PFKFB3: variants seen among roughly 807,000 people sequenced by gnomAD.
PFKFB3 encodes the protein 6-phosphofructo-2-kinase/fructose-2,6-bisphosphatase 3.
In PFKFB3, 33 loss-of-function variants were observed where a neutral mutation model predicts 68.0. That is an observed-to-expected ratio of 0.49 (90% CI 0.37 to 0.65). The LOEUF (loss-of-function observed/expected upper bound fraction) is 0.65. Ranked by LOEUF, PFKFB3 falls within the 30% of genes least tolerant of loss-of-function variation. The pLI, the probability that PFKFB3 is intolerant of heterozygous loss-of-function variation, is 0.00. For missense variants in PFKFB3, 586 were observed against 712.2 expected (o/e 0.82, Z 2.02); for synonymous variants, 315 against 288.2 (o/e 1.09, Z -0.94).
chr10:6,182,816 T>A (rs1242613314), intron 1 of PFKFB3, among the ~76,000 whole-genome samples: 1 of 152,168 alleles, frequency 6.6e-6, no homozygotes, highest in South Asian at 2.1e-4. Flanking sequence ...TGCAGTCCAG[T>A]GTCCATGGCC....
chr10:6,184,750 G>A (rs1258518957), intron 1 of PFKFB3, among the ~76,000 whole-genome samples: 2 of 149,960 alleles, frequency 1.3e-5, no homozygotes, highest in Non-Finnish European at 3.0e-5. Flanking sequence ...GGAATTACAG[G>A]TGTGAGTCAC....
chr10:6,209,977 C>T (rs2516615), intron 1 of PFKFB3, among the ~76,000 whole-genome samples: 95,779 of 145,492 alleles, frequency 0.66, 31,941 homozygotes, highest in Non-Finnish European at 0.7. Context: ...TGGTCTCGAT[C>T]TCCTGACCTT....
intron 1 of PFKFB3, among the ~76,000 whole-genome samples, chr10:6,196,262 C>T (rs1843173181): frequency 1.3e-5 from 2 of 152,102 alleles, no homozygotes; most frequent in African/African-American, 2.4e-5. Flanking sequence ...TCCCAAGTAG[C>T]TGGGACCACA....
chr10:6,224,951 A>C (rs889206580), intron 13 of PFKFB3, among the ~76,000 whole-genome samples: 65 of 134,844 alleles, frequency 4.8e-4, no homozygotes, highest in African/African-American at 1.9e-3. Flanking sequence ...CACGGTGTTG[A>C]GAGACGGGAG....
chr10:6,203,129 G>C lies in PFKFB3; in HGVS notation c.-132G>C. 4 of 1,489,864 alleles carry C rather than the reference G, an allele frequency of 2.7e-6. No individual in the cohort carries two copies. In the South Asian group the frequency reaches 3.9e-5, roughly 15 times the overall value. 92.3% of individuals were successfully genotyped at this position (1,489,864 alleles called of 1,614,324 possible). A position where few individuals can be genotyped will look rare whatever the true frequency, so the allele number is the denominator to read the frequency against. ...AGCCCAAAGCACGTTTCCCCTGGCA[G>C]CGCAGGAAACGCCCGGCCGCGCGCC... On this transcript the variant is annotated 5_prime_UTR_variant, in exon 1 of 15. Coordinates refer to ENST00000379775, the MANE Select transcript of PFKFB3 (RefSeq NM_004566.4).
rs1390561974 is a variant in PFKFB3, at chr10:6,145,653, TTTCAG to T, written c.16+641_16+645del. Among the ~76,000 whole-genome samples the T allele has an allele frequency of 2.0e-5, 3 of 152,196 alleles. No individual in the cohort carries two copies. The East Asian group carries it at 5.8e-4, about 30-fold the overall frequency. On this transcript the variant is annotated intron_variant, in intron 1 of 14. Transcript: ENST00000379789. ...CCGCCCTCTGACCCCCGGGCAGTCATTTCAGCCCCCAGCCCCAGTTGCCTCCTGGG... is the reference window on the plus strand; with the variant it reads ...CCGCCCTCTGACCCCCGGGCAGTCATCCCCCAGCCCCAGTTGCCTCCTGGG...
rs1027570401 is a variant in PFKFB3, at chr10:6,219,573, T to C, written c.503T>C (p.Val168Ala). The part of the protein sequence containing the change: ...PTVVASNIME[V>A]KISSPDYKDC... ...CACCCCTTTGTGGTGTTGCAGGAAG[T>C]TAAAATCTCCAGCCCGGATTACAAA... is the stretch of plus-strand genomic sequence containing the variant. Residue 168 changes from valine (V) to alanine (A), a missense_variant, in exon 7 of 15, where the codon GTT becomes GCT. Coordinates refer to ENST00000379775, the MANE Select transcript of PFKFB3 (RefSeq NM_004566.4). 1 of 1,613,918 alleles carries C rather than the reference T, an allele frequency of 6.2e-7. No homozygotes were observed. Among genetic ancestry groups the C allele is most frequent in the African/African-American group, 1.3e-5 (1 of 74,908 alleles).
At chr10:6,288,810 A>G in the PFKFB3 span, among the ~76,000 whole-genome samples, 1 of 152,196 alleles carries the variant, frequency 6.6e-6, no homozygotes, top group African/African-American at 2.4e-5. Context: ...ACTAGCTTAC[A>G]GTCCCACCAA....
intron 1 of PFKFB3, among the ~76,000 whole-genome samples, chr10:6,150,283 A>C (rs1278665113): frequency 6.6e-6 from 1 of 152,164 alleles, no homozygotes; most frequent in African/African-American, 2.4e-5. Context: ...CTACTTGGTT[A>C]ATCTGTCATT....
Position 6,250,305 on chromosome 10 carries a change from C to T in PFKFB3, c.1516-3873C>T, listed in dbSNP as rs555259885. On this transcript the variant is annotated intron_variant, in intron 14 of 14. Transcript: ENST00000640683. The stretch of plus-strand genomic sequence containing the variant: ...GGTCGGCCAGGCGCAGTGGCTTACT[C>T]CTGTAATCCCAGCACTTTGGGAGGC... Among the ~76,000 whole-genome samples the T allele has an allele frequency of 2.7e-3, 408 of 152,212 alleles. 1 individual carries two copies. The highest frequency in any genetic ancestry group is 5.6e-3 in the South Asian group (27 of 4,824).
At chr10:6,169,604 G>T (rs1259223278) in intron 1 of PFKFB3, among the ~76,000 whole-genome samples, 1 of 152,162 alleles carries the variant, frequency 6.6e-6, no homozygotes, top group Middle Eastern at 3.2e-3. Flanking sequence ...GGTGAAGGCG[G>T]GTGGCTGAGG....
intron 1 of PFKFB3, among the ~76,000 whole-genome samples, chr10:6,209,110 G>A (rs745753552): frequency 1.2e-4 from 19 of 152,204 alleles, no homozygotes; most frequent in Non-Finnish European, 2.4e-4. Context: ...TGTCATGAAC[G>A]TAGCAACCTT....
chr10:6,203,930 T>G (rs1843511650), intron 1 of PFKFB3, among the ~76,000 whole-genome samples: 1 of 152,158 alleles, frequency 6.6e-6, no homozygotes, highest in South Asian at 2.1e-4. Context: ...CTCTCTTCCG[T>G]GCATCTCCAG....
intron 1 of PFKFB3, among the ~76,000 whole-genome samples, chr10:6,155,208 T>TTTTG (rs201157856): frequency 1.4e-5 from 2 of 146,558 alleles, no homozygotes; most frequent in African/African-American, 2.5e-5. Context: ...TTTTTTTCTT[T>TTTTG]TTTTTTTTTT....
At chr10:6,182,500 G>A (rs985915279) in intron 1 of PFKFB3, among the ~76,000 whole-genome samples, 1 of 152,184 alleles carries the variant, frequency 6.6e-6, no homozygotes, top group Admixed American at 6.5e-5. Context: ...GGCCTTTGAA[G>A]TCCCAGGCCG....
chr10:6,286,310 G>C, the PFKFB3 span, among the ~76,000 whole-genome samples: 1 of 151,192 alleles, frequency 6.6e-6, no homozygotes, highest in African/African-American at 2.4e-5. Flanking sequence ...TCTTTAATTT[G>C]GGTTTCTTGT....
chr10:6,307,122 C>T, the PFKFB3 span, among the ~76,000 whole-genome samples: 3 of 152,168 alleles, frequency 2.0e-5, no homozygotes, highest in African/African-American at 7.2e-5. Flanking sequence ...CAGGCGGCCT[C>T]CAGGCTCCAT....
At chr10:6,288,169 T>C in the PFKFB3 span, among the ~76,000 whole-genome samples, 1 of 152,000 alleles carries the variant, frequency 6.6e-6, no homozygotes, top group East Asian at 1.9e-4. Context: ...GGTACGGTGT[T>C]TTTTTCTTTC....
the PFKFB3 span, chr10:6,294,189 A>C: frequency 1.9e-6 from 1 of 522,862 alleles, no homozygotes; most frequent in African/African-American, 1.9e-5. Flanking sequence ...TTTGGAATAG[A>C]GGTTTCCATC....
Sources: allele counts gnomAD v4.1 joint callset (sites outside exome capture counted in the v4.1 genomes callset), GRCh38; gene constraint gnomAD v4.1.1; transcripts MANE v1.5; gene names NCBI Gene and HGNC (gene_info 2026-07-23, HGNC 2026-07-21).